CHMP4C: variants seen among roughly 807,000 people sequenced by gnomAD.
The protein encoded by CHMP4C is charged multivesicular body protein 4C, also known as SNF7 homolog associated with Alix 3.
Under a neutral mutation model 29.0 loss-of-function variants are expected in CHMP4C, and 28 were observed. The observed-to-expected ratio is 0.97, with a 90% CI of 0.72 to 1.32. The LOEUF (loss-of-function observed/expected upper bound fraction) is 1.32. Ranked by LOEUF, CHMP4C falls within the 40% of genes most tolerant of loss-of-function variation. CHMP4C has a pLI of 0.00. For synonymous variants in CHMP4C, 106 were observed against 102.4 expected, an observed-to-expected ratio of 1.04 and a Z score of -0.21; for missense variants, 291 against 281.0, an observed-to-expected ratio of 1.04 and a Z score of -0.25.
In CHMP4C at chr8:81,732,930, T is replaced by G. The variant is rs1585938648; in HGVS notation, c.190+114T>G. The G allele has an allele frequency of 3.1e-6, 3 of 957,560 alleles. No individual in the cohort carries two copies. The East Asian group carries it at 7.9e-5, about 25-fold the overall frequency. The allele number at this position is 957,560 out of a possible 1,614,324, so 59.3% of individuals were successfully genotyped here. A position where few individuals can be genotyped will look rare whatever the true frequency, so the allele number is the denominator to read the frequency against. On this transcript the variant is annotated intron_variant, in intron 1 of 4. Coordinates refer to ENST00000297265, the MANE Select transcript of CHMP4C (RefSeq NM_152284.4). ...GGTGGCCAGGTTTGCTCCTGCAGTCTTTTCTAGGAACTGGTACTGACTCTT... is the reference window on the plus strand; with the variant it reads ...GGTGGCCAGGTTTGCTCCTGCAGTCGTTTCTAGGAACTGGTACTGACTCTT...
At chr8:81,753,433 G>A (rs1349160419) in intron 2 of CHMP4C, among the ~76,000 whole-genome samples, 192 bp downstream of exon 2, 1 of 152,048 alleles carries the variant, frequency 6.6e-6, no homozygotes, top group African/African-American at 2.4e-5. Context: ...AAAAAAGAAA[G>A]GGCATTCATT....
chr8:81,757,377 A>C (rs771061867), intron 3 of CHMP4C, among the ~76,000 whole-genome samples: 5 of 152,170 alleles, frequency 3.3e-5, no homozygotes, highest in Admixed American at 6.5e-5. Flanking sequence ...CATCAATGAC[A>C]AGTTCAGTTG....
At chr8:81,749,337 T>C (rs946089982) in intron 1 of CHMP4C, among the ~76,000 whole-genome samples, 5 of 152,226 alleles carry the variant, frequency 3.3e-5, no homozygotes, top group African/African-American at 1.2e-4. Context: ...ATAAATCACA[T>C]AATGCACATA....
At chr8:81,743,400 G>C (rs539361272) in intron 1 of CHMP4C, among the ~76,000 whole-genome samples, 1 of 151,708 alleles carries the variant, frequency 6.6e-6, no homozygotes, top group African/African-American at 2.4e-5. Context: ...ATGATAACAG[G>C]CCCCCAAAAT....
chr8:81,734,530 A>C (rs139119595), intron 1 of CHMP4C, among the ~76,000 whole-genome samples: 8,941 of 152,164 alleles, frequency 0.059, 311 homozygotes, highest in Middle Eastern at 0.13. Flanking sequence ...GGGTTTCTCC[A>C]TGTTGGTAAG....
At chr8:81,751,443 T>A (rs2130491880) in intron 1 of CHMP4C, among the ~76,000 whole-genome samples, 1 of 152,024 alleles carries the variant, frequency 6.6e-6, no homozygotes. Flanking sequence ...CCTTTCAGGG[T>A]TTGGAGTGGG....
intron 1 of CHMP4C, among the ~76,000 whole-genome samples, chr8:81,742,282 A>G (rs886662412): frequency 2.6e-5 from 4 of 152,190 alleles, no homozygotes; most frequent in African/African-American, 9.6e-5. Flanking sequence ...TACTTGCAAA[A>G]CAAACAAGCC....
At chr8:81,749,531 G>T (rs771101525) in intron 1 of CHMP4C, among the ~76,000 whole-genome samples, 1 of 152,176 alleles carries the variant, frequency 6.6e-6, no homozygotes, top group Non-Finnish European at 1.5e-5. Flanking sequence ...ATACATTTTA[G>T]ACATAATTCT....
At chr8:81,747,231 G>A (rs1213185165) in intron 1 of CHMP4C, among the ~76,000 whole-genome samples, 2 of 152,050 alleles carry the variant, frequency 1.3e-5, no homozygotes, top group African/African-American at 2.4e-5. Flanking sequence ...TAGAGCTTCA[G>A]AGCTCCACCC....
At position 81,748,596 on chromosome 8, in the gene CHMP4C, G is replaced by A. The variant is rs539081328; in HGVS notation, c.191-4468G>A. On this transcript the variant is annotated intron_variant, in intron 1 of 4. Transcript: ENST00000297265. ...CCCTGACTTCCTGCAACAAGGTATG[G>A]TAAAAACAAATAGGTAATTTGTTAT... 5.9e-5 allele frequency among the ~76,000 whole-genome samples: 9 copies of A among 152,190 alleles called. No homozygotes were observed. In the South Asian group the frequency reaches 1.7e-3, roughly 28 times the overall value.
At chr8:81,750,358 G>C (rs1009330324) in intron 1 of CHMP4C, among the ~76,000 whole-genome samples, 1 of 152,004 alleles carries the variant, frequency 6.6e-6, no homozygotes, top group African/African-American at 2.4e-5. Context: ...TCAGTACTTT[G>C]GGAGGCCAAG....
intron 3 of CHMP4C, 109 bp from the exon 4 acceptor site, chr8:81,758,033 A>G: frequency 3.2e-6 from 3 of 931,066 alleles, no homozygotes; most frequent in Non-Finnish European, 5.0e-6. Context: ...ATTCCATTTC[A>G]CTGGGTTCTC....
At chr8:81,734,540 G>A (rs1375723031) in intron 1 of CHMP4C, among the ~76,000 whole-genome samples, 2 of 152,156 alleles carry the variant, frequency 1.3e-5, no homozygotes, top group African/African-American at 4.8e-5. Flanking sequence ...ATGTTGGTAA[G>A]ACTGGTCTCG....
rs142226066 is a variant in CHMP4C at position 81,736,652 on chromosome 8, G to T, written c.190+3836G>T. 1.7e-3 allele frequency among the ~76,000 whole-genome samples: 252 copies of T among 152,162 alleles called. 1 individual carries two copies. The highest frequency in any genetic ancestry group is 3.0e-3 in the Non-Finnish European group (204 of 68,010). ...TCCTTAGTTTAGGTGGGTTTCTGAT[G>T]GTGCGCACCTCTAATAGGGCACAGC... On this transcript the variant is annotated intron_variant, in intron 1 of 4. Transcript: ENST00000297265.
chr8:81,742,687 A>G (rs1187337245), intron 1 of CHMP4C, among the ~76,000 whole-genome samples: 2 of 152,126 alleles, frequency 1.3e-5, no homozygotes, highest in Admixed American at 1.3e-4. Context: ...TTACATTATC[A>G]TTTCTTTCCA....
intron 1 of CHMP4C, among the ~76,000 whole-genome samples, chr8:81,751,238 T>G (rs978211137): frequency 6.6e-6 from 1 of 151,342 alleles, no homozygotes; most frequent in Non-Finnish European, 1.5e-5. Context: ...GAGGACAATA[T>G]AGAATACAAG....
In CHMP4C at chr8:81,758,547, T is replaced by C; in HGVS notation, c.*3T>C. The C allele has an allele frequency of 6.3e-7, 1 of 1,595,048 alleles. No homozygotes were observed. ...AATTGGCAGCTTGGGCTACCTAAAC[T>C]AAAACACATTTTTGATACCTAAATT... On this transcript the variant is annotated 3_prime_UTR_variant, in exon 5 of 5. Transcript: ENST00000297265.
intron 1 of CHMP4C, among the ~76,000 whole-genome samples, chr8:81,751,324 T>C (rs1372455772): frequency 2.0e-5 from 3 of 152,088 alleles, no homozygotes; most frequent in African/African-American, 7.2e-5. Context: ...ATTGTGTCTA[T>C]GAAGCTTAGG....
Position 81,732,673 on chromosome 8 carries a change from G to C in CHMP4C, c.47G>C (p.Ser16Thr). The change falls in exon 1 of 5, where the codon AGC (serine) becomes ACC (threonine). Residue 16 changes from serine to threonine, a missense_variant. Physicochemically the swap from Ser to Thr is moderately conservative, Grantham distance 58 (BLOSUM62 1). Coordinates refer to ENST00000297265, the MANE Select transcript of CHMP4C (RefSeq NM_152284.4). The part of the protein sequence containing the change: ...KFFKGGGSSK[S>T]RAAPSPQEAL... ...TTTAAAGGGGGCGGCTCTTCTAAGA[G>C]CCGAGCCGCTCCCAGTCCCCAGGAG... The C allele has an allele frequency of 6.4e-7, 1 of 1,571,958 alleles. No homozygotes were observed. Among genetic ancestry groups the C allele is most frequent in the Non-Finnish European group, 8.6e-7 (1 of 1,158,880 alleles).
Sources: gnomAD v4.1 joint callset for allele counts (sites outside exome capture counted in the v4.1 genomes callset) on GRCh38, gnomAD v4.1.1 for gene constraint, MANE v1.5 for transcripts, NCBI Gene and HGNC (gene_info 2026-07-23, HGNC 2026-07-21) for gene names.